DHX34: variants seen among roughly 807,000 people sequenced by gnomAD.
DHX34 encodes the protein DExH-box helicase 34.
Under a neutral mutation model 111.1 loss-of-function variants are expected in DHX34, and 96 were observed. The observed-to-expected ratio is 0.86, with a 90% CI of 0.73 to 1.02. The LOEUF is 1.02. DHX34 is among the 50% of genes least tolerant of loss of function. The pLI is 0.00. For missense variants in DHX34, 1,560 were observed against 1,579.9 expected (o/e 0.99, Z 0.21); for synonymous variants, 688 against 670.4 (o/e 1.03, Z -0.41).
chr19:47,360,706 TGA>T (rs1276543244), intron 5 of DHX34, among the ~76,000 whole-genome samples: 14 of 152,100 alleles, frequency 9.2e-5, no homozygotes, highest in Non-Finnish European at 2.1e-4. Context: ...GTTGTTGTTT[TGA>T]GACGGAGTCT....
chr19:47,350,093 AG>A (rs113447385), intron 1 of DHX34, among the ~76,000 whole-genome samples: 3 of 152,288 alleles, frequency 2.0e-5, no homozygotes, highest in African/African-American at 4.8e-5. Context: ...TCATGCAGAT[AG>A]GATAGGTCTG....
chr19:47,360,672 G>T (rs866422145), intron 5 of DHX34, among the ~76,000 whole-genome samples: 1 of 145,294 alleles, frequency 6.9e-6, no homozygotes, highest in Non-Finnish European at 1.5e-5. Flanking sequence ...CATTCTGTTT[G>T]TTGTTGTTGT....
Position 47,381,617 on chromosome 19 carries a change from C to A in DHX34, c.3298+293C>A, listed in dbSNP as rs1406430213. 10 of 590,162 alleles carry A rather than the reference C, an allele frequency of 1.7e-5. No individual in the cohort carries two copies. The East Asian group carries it at 3.0e-4, about 17-fold the overall frequency. The allele number at this position is 590,162 out of a possible 1,614,324, so 36.6% of individuals were successfully genotyped here. A position where few individuals can be genotyped will look rare whatever the true frequency, so the allele number is the denominator to read the frequency against. On this transcript the variant is annotated intron_variant, in intron 16 of 16. Coordinates refer to ENST00000328771, the MANE Select transcript of DHX34 (RefSeq NM_014681.6). ...TATGTCTCTTGTTATTTTTCTCTGT[C>A]CTGCAGCTATCTCTGCCTTGGTCAC...
intron 13 of DHX34, among the ~76,000 whole-genome samples, chr19:47,377,417 C>T (rs986586536): frequency 6.6e-6 from 1 of 152,196 alleles, no homozygotes; most frequent in South Asian, 2.1e-4. Context: ...GGGTGCCAGG[C>T]GCTGTGCCAG....
intron 4 of DHX34, 100 bp downstream of exon 4, chr19:47,358,220 G>T: frequency 6.8e-7 from 1 of 1,479,354 alleles, no homozygotes; most frequent in Non-Finnish European, 9.0e-7. Context: ...GGGCTCGGGG[G>T]CTGTACTTGT....
At position 47,370,446 on chromosome 19, in the gene DHX34, C is replaced by G. The variant is rs1764386290; in HGVS notation, c.1769-2284C>G. ...ATTCCTGAGTCATGCTCACCCCTCC[C>G]GGGGAGCTCACTGACTGAGGCTTGT... On this transcript the variant is annotated intron_variant, in intron 7 of 16. Coordinates refer to ENST00000328771, the MANE Select transcript of DHX34 (RefSeq NM_014681.6). Among the ~76,000 whole-genome samples, 3 of 152,212 alleles carry G rather than the reference C, an allele frequency of 2.0e-5. No individual in the cohort carries two copies. The South Asian group carries it at 6.2e-4, about 31-fold the overall frequency.
chr19:47,372,571 G>A lies in DHX34; in HGVS notation c.1769-159G>A, dbSNP rs145796649. ...GCCACGTGACCAGAAAGCACAGCGC[G>A]TGGGTTTGAATCTCCATCTGGGTCA... On this transcript the variant is annotated intron_variant, in intron 7 of 16. Coordinates refer to ENST00000328771, the MANE Select transcript of DHX34 (RefSeq NM_014681.6). 3,024 of 982,404 alleles carry A rather than the reference G, an allele frequency of 3.1e-3. 1 individual carries two copies. The highest frequency in any genetic ancestry group is 3.5e-3 in the Non-Finnish European group (2,883 of 827,256). 60.9% of individuals were successfully genotyped at this position (982,404 alleles called of 1,614,324 possible). A position where few individuals can be genotyped will look rare whatever the true frequency, so the allele number is the denominator to read the frequency against.
At chr19:47,370,893 T>A (rs1267415111) in intron 7 of DHX34, among the ~76,000 whole-genome samples, 3 of 152,176 alleles carry the variant, frequency 2.0e-5, no homozygotes, top group African/African-American at 7.2e-5. Flanking sequence ...AGGCTAGTCT[T>A]GAACTCCTGA....
Position 47,353,840 on chromosome 19 carries a change from A to G in DHX34, c.705+105A>G. The G allele has an allele frequency of 9.0e-7, 1 of 1,107,338 alleles. No homozygotes were observed. Among genetic ancestry groups the G allele is most frequent in the Non-Finnish European group, 1.2e-6 (1 of 801,950 alleles). 68.6% of individuals were successfully genotyped at this position (1,107,338 alleles called of 1,614,324 possible). ...ATAAAAATGAAGCACTTACCCTTGG[A>G]CCCAGCGATGATTCTTCTAGAACTT... On this transcript the variant is annotated intron_variant, in intron 2 of 16. Transcript: ENST00000328771. The surrounding 1 kb of genome is among the most constrained non-coding windows in gnomAD (Gnocchi z 4.6).
Position 47,381,486 on chromosome 19 carries a change from G to C in DHX34, c.3298+162G>C, listed in dbSNP as rs868430894. On this transcript the variant is annotated intron_variant, in intron 16 of 16. Coordinates refer to ENST00000328771, the MANE Select transcript of DHX34 (RefSeq NM_014681.6). ...CACACAGGCCTTGTCCTGAAGATCA[G>C]GAGCCCAAGGCAGGGAGAGCCTGGA... is the stretch of plus-strand genomic sequence containing the variant. 1.0e-4 allele frequency: 109 copies of C among 1,076,804 alleles called. No individual in the cohort carries two copies. The African/African-American group carries it at 1.6e-3, about 15-fold the overall frequency. 66.7% of individuals were successfully genotyped at this position (1,076,804 alleles called of 1,614,324 possible). A position where few individuals can be genotyped will look rare whatever the true frequency, so the allele number is the denominator to read the frequency against.
At position 47,353,260 on chromosome 19, in the gene DHX34, G is replaced by A; in HGVS notation, c.230G>A (p.Arg77Lys). 8 of 1,614,180 alleles carry A rather than the reference G, an allele frequency of 5.0e-6. No homozygotes were observed. The highest frequency in any genetic ancestry group is 6.8e-6 in the Non-Finnish European group (8 of 1,180,038). ...LQRFQNLKTSRKEEKDPGQPK... is the reference protein window; with the variant it reads ...LQRFQNLKTSKKEEKDPGQPK... ...AGATTCCAGAATCTCAAGACCTCCAGGAAGGAGGAGAAAGACCCTGGACAG... is the reference window on the plus strand; with the variant it reads ...AGATTCCAGAATCTCAAGACCTCCAAGAAGGAGGAGAAAGACCCTGGACAG... Residue 77 changes from arginine to lysine, a missense_variant, in exon 2 of 17, where the codon AGG (arginine) becomes AAG (lysine). Arg to Lys is a conservative substitution (Grantham distance 26, BLOSUM62 2). Coordinates refer to ENST00000328771, the MANE Select transcript of DHX34 (RefSeq NM_014681.6). This position sits in a 1 kb window ranked among gnomAD's most constrained non-coding sequence, Gnocchi z 4.6.
chr19:47,367,093 G>C lies in DHX34; in HGVS notation c.1706G>C (p.Ser569Thr). The change falls in exon 7 of 17, where the codon AGC becomes ACC. Residue 569 changes from serine to threonine, a missense_variant. Coordinates refer to ENST00000328771, the MANE Select transcript of DHX34 (RefSeq NM_014681.6). ...CTCCGGGACCAGGGGGCCCTGGACA[G>C]CTCAGAGGCCCTCACACCCATTGGG... ...LYLRDQGALD[S>T]SEALTPIGSL... is the part of the protein sequence containing the mutation. The C allele has an allele frequency of 6.2e-7, 1 of 1,602,384 alleles. No individual in the cohort carries two copies. Among genetic ancestry groups the C allele is most frequent in the Non-Finnish European group, 8.5e-7 (1 of 1,174,252 alleles).
intron 12 of DHX34, 153 bp downstream of exon 12, chr19:47,376,713 C>T: frequency 7.0e-7 from 1 of 1,432,158 alleles, no homozygotes; most frequent in Non-Finnish European, 9.3e-7. Context: ...GCCAGGCCTC[C>T]CTGGGTAGCC....
chr19:47,379,698 CCT>C lies in DHX34; in HGVS notation c.2707-7_2707-6del, dbSNP rs763528858. 12 of 1,586,288 alleles carry C rather than the reference CCT, an allele frequency of 7.6e-6. No homozygotes were observed. Among genetic ancestry groups the C allele is most frequent in the South Asian group, 3.4e-5 (3 of 89,448 alleles). On this transcript the variant is annotated splice_polypyrimidine_tract_variant and intron_variant, in intron 13 of 16. Transcript: ENST00000328771. ...CCCACCTACTCCCTGTCTTCTGCCCCCTCTCTTTCAGTCCCTCCTGCTTTTTA... is the reference window on the plus strand; with the variant it reads ...CCCACCTACTCCCTGTCTTCTGCCCCCTCTTTCAGTCCCTCCTGCTTTTTA...
At chr19:47,354,935 T>C in intron 2 of DHX34, 104 bp from the exon 3 acceptor site, 1 of 1,536,128 alleles carries the variant, frequency 6.5e-7, no homozygotes, top group South Asian at 1.3e-5. Flanking sequence ...ATTACAGGCG[T>C]GAGCCACCGC....
chr19:47,362,228 C>A, intron 5 of DHX34: 1 of 477,270 alleles, frequency 2.1e-6, no homozygotes, highest in Non-Finnish European at 2.6e-6. Context: ...TCTGACTGAG[C>A]CACTGCACTC....
chr19:47,374,436 CAAAA>C (rs35585186), intron 9 of DHX34, among the ~76,000 whole-genome samples: 9 of 103,628 alleles, frequency 8.7e-5, no homozygotes, highest in African/African-American at 6.7e-5. Flanking sequence ...AAACTCCACT[CAAAA>C]AAAAAAAAAA....
Position 47,367,081 on chromosome 19 carries a change from G to A in DHX34, c.1694G>A (p.Gly565Glu). Residue 565 changes from glycine to glutamate, a missense_variant, in exon 7 of 17, where the codon GGG becomes GAG. Coordinates refer to ENST00000328771, the MANE Select transcript of DHX34 (RefSeq NM_014681.6). ...ETAILYLRDQ[G>E]ALDSSEALTP... ...GCCATCCTCTACCTCCGGGACCAGG[G>A]GGCCCTGGACAGCTCAGAGGCCCTC... The A allele has an allele frequency of 4.4e-6, 7 of 1,608,562 alleles. No homozygotes were observed. Among genetic ancestry groups the A allele is most frequent in the Non-Finnish European group, 5.9e-6 (7 of 1,177,452 alleles).
chr19:47,359,202 T>C (rs1969549865), intron 4 of DHX34, among the ~76,000 whole-genome samples: 1 of 152,148 alleles, frequency 6.6e-6, no homozygotes, highest in South Asian at 2.1e-4. Context: ...CATTGGCTCA[T>C]GCCTATAATC....
Sources: gnomAD v4.1 joint callset for allele counts (sites outside exome capture counted in the v4.1 genomes callset) on GRCh38, gnomAD v4.1.1 for gene constraint, Gnocchi (gnomAD v3.1) non-coding constraint, MANE v1.5 for transcripts, NCBI Gene and HGNC (gene_info 2026-07-23, HGNC 2026-07-21) for gene names.